Variants in SGCZ observed in about 807,000 individuals in gnomAD.
SGCZ encodes the protein sarcoglycan zeta.
Under a neutral mutation model 41.3 loss-of-function variants are expected in SGCZ, and 40 were observed. The observed-to-expected ratio is 0.97, with a 90% CI of 0.75 to 1.26. The LOEUF (loss-of-function observed/expected upper bound fraction) is 1.26. Ranked by LOEUF, SGCZ falls within the 50% of genes most tolerant of loss-of-function variation. The pLI, the probability that SGCZ is intolerant of heterozygous loss-of-function variation, is 0.00. For synonymous variants in SGCZ, 206 were observed against 137.5 expected, an observed-to-expected ratio of 1.50 and a Z score of -3.49; for missense variants, 552 against 369.8, an observed-to-expected ratio of 1.49 and a Z score of -4.04.
intron 1 of SGCZ, among the ~76,000 whole-genome samples, chr8:15,186,230 C>T (rs534657898): frequency 7.7e-6 from 1 of 129,274 alleles, no homozygotes; most frequent in East Asian, 2.3e-4. Context: ...CCACTGCACT[C>T]CAGCCTGGGC....
chr8:14,535,817 T>C (rs1386444593), intron 2 of SGCZ, among the ~76,000 whole-genome samples: 1 of 151,824 alleles, frequency 6.6e-6, no homozygotes, highest in Non-Finnish European at 1.5e-5. Context: ...GATAACTGTA[T>C]TTTAATTATC....
intron 1 of SGCZ, among the ~76,000 whole-genome samples, chr8:15,205,574 C>A (rs1350631508): frequency 1.1e-4 from 17 of 151,924 alleles, no homozygotes; most frequent in Non-Finnish European, 2.5e-4. Context: ...ATACCAGTCA[C>A]AATGGCTATT....
At chr8:14,381,811 A>G (rs1463148899) in intron 2 of SGCZ, among the ~76,000 whole-genome samples, 2 of 152,040 alleles carry the variant, frequency 1.3e-5, no homozygotes, top group African/African-American at 4.8e-5. Context: ...AACAAAAAAC[A>G]AACAAACAAA....
chr8:15,139,353 C>T (rs1030661601), intron 1 of SGCZ, among the ~76,000 whole-genome samples: 14 of 152,168 alleles, frequency 9.2e-5, no homozygotes, highest in Non-Finnish European at 1.9e-4. Flanking sequence ...TATGTTTATA[C>T]ATCAAGCACA....
chr8:14,544,048 C>A (rs1008505958), intron 2 of SGCZ, among the ~76,000 whole-genome samples: 7 of 152,192 alleles, frequency 4.6e-5, no homozygotes, highest in African/African-American at 1.7e-4. Flanking sequence ...TGTAAGAGGG[C>A]TTTAATGGTG....
intron 4 of SGCZ, among the ~76,000 whole-genome samples, chr8:14,187,642 G>C (rs558325020): frequency 1.6e-4 from 25 of 151,906 alleles, no homozygotes; most frequent in Admixed American, 2.6e-4. Flanking sequence ...TGATATTAAA[G>C]ATAATAGAGA....
chr8:14,130,626 G>A (rs1013773792), intron 5 of SGCZ, among the ~76,000 whole-genome samples: 8 of 152,312 alleles, frequency 5.3e-5, no homozygotes, highest in African/African-American at 1.4e-4. Context: ...GGGTAAGAGA[G>A]TCCTTGGTGG....
At chr8:14,442,446 A>C (rs1054542797) in intron 2 of SGCZ, among the ~76,000 whole-genome samples, 2 of 152,226 alleles carry the variant, frequency 1.3e-5, no homozygotes, top group Admixed American at 1.3e-4. Context: ...CTTTTTCTTT[A>C]TAAATTACCC....
At chr8:14,609,832 A>G (rs1805869186) in intron 1 of SGCZ, among the ~76,000 whole-genome samples, 1 of 152,208 alleles carries the variant, frequency 6.6e-6, no homozygotes, top group Non-Finnish European at 1.5e-5. Context: ...AGGAGAAAAA[A>G]AAACAGCAGG....
intron 1 of SGCZ, among the ~76,000 whole-genome samples, chr8:14,691,830 A>G (rs1400314359): frequency 6.6e-6 from 1 of 152,048 alleles, no homozygotes; most frequent in Non-Finnish European, 1.5e-5. Context: ...TTAATATAAG[A>G]AAACAACACA....
chr8:15,036,510 T>C (rs1173021710), intron 1 of SGCZ, among the ~76,000 whole-genome samples: 1 of 152,046 alleles, frequency 6.6e-6, no homozygotes, highest in Non-Finnish European at 1.5e-5. Context: ...CCATGATACA[T>C]GTTTACCTAT....
At chr8:14,262,359 T>A (rs552359264) in intron 3 of SGCZ, among the ~76,000 whole-genome samples, 1 of 152,258 alleles carries the variant, frequency 6.6e-6, no homozygotes, top group East Asian at 1.9e-4. Context: ...GCACTTTCTG[T>A]GACAATGTGA....
Position 14,540,025 on chromosome 8 carries a change from G to A in SGCZ, c.234+14707C>T, listed in dbSNP as rs375183150. On this transcript the variant is annotated intron_variant, in intron 2 of 7. Transcript: ENST00000382080. ...ATTTAAGAAGCCTGACAAGGAAAAA[G>A]CCTATAAAATAAACTATGAAGAATT... 4.6e-4 allele frequency among the ~76,000 whole-genome samples: 70 copies of A among 151,962 alleles called. 2 individuals carry two copies. In the East Asian group the frequency reaches 8.5e-3, roughly 19 times the overall value.
intron 1 of SGCZ, among the ~76,000 whole-genome samples, chr8:14,677,729 C>T (rs1808320436): frequency 1.3e-5 from 2 of 151,996 alleles, no homozygotes; most frequent in African/African-American, 2.4e-5. Context: ...CAAGATCGCA[C>T]AAGTAAACTC....
chr8:15,054,298 T>A (rs143766448), intron 1 of SGCZ, among the ~76,000 whole-genome samples: 55 of 152,288 alleles, frequency 3.6e-4, no homozygotes, highest in African/African-American at 1.3e-3. Flanking sequence ...TTCATATGAG[T>A]CAGTTCAGCT....
intron 1 of SGCZ, among the ~76,000 whole-genome samples, chr8:14,920,804 T>C (rs940299770): frequency 6.6e-6 from 1 of 152,344 alleles, no homozygotes; most frequent in East Asian, 1.9e-4. Context: ...CTAAAATAGA[T>C]AGTTGAGAGT....
chr8:14,502,936 C>T lies in SGCZ; in HGVS notation c.234+51796G>A, dbSNP rs181215574. 2.0e-3 allele frequency among the ~76,000 whole-genome samples: 303 copies of T among 152,202 alleles called. 2 individuals carry two copies. The highest frequency in any genetic ancestry group is 9.0e-4 in the Non-Finnish European group (61 of 68,014). On this transcript the variant is annotated intron_variant, in intron 2 of 7. Coordinates refer to ENST00000382080, the MANE Select transcript of SGCZ (RefSeq NM_139167.4). ...GAAATACCATTTGACCGAGTAATCT[C>T]GTTACTGGGTATGTATTCAAGGGAT...
At chr8:14,718,157 T>C (rs550908666) in intron 1 of SGCZ, among the ~76,000 whole-genome samples, 166 of 151,782 alleles carry the variant, frequency 1.1e-3, no homozygotes, top group African/African-American at 3.8e-3. Flanking sequence ...CACATATGCA[T>C]GCACACACAC....
intron 1 of SGCZ, among the ~76,000 whole-genome samples, chr8:14,964,038 AAGGCT>A (rs1801052879): frequency 6.6e-6 from 1 of 152,208 alleles, no homozygotes; most frequent in Non-Finnish European, 1.5e-5. Flanking sequence ...CAAAGGTTAC[AAGGCT>A]AAAAATAAAT....
Sources: allele counts gnomAD v4.1 joint callset (sites outside exome capture counted in the v4.1 genomes callset), GRCh38; gene constraint gnomAD v4.1.1; transcripts MANE v1.5; gene names NCBI Gene and HGNC (gene_info 2026-07-23, HGNC 2026-07-21).